Variants in NTRK3 observed in about 807,000 individuals in gnomAD.
NTRK3 encodes the protein NT-3 growth factor receptor.
Under a neutral mutation model 91.7 loss-of-function variants are expected in NTRK3, and 24 were observed. The ratio of observed to expected loss-of-function variants is 0.26; its 90% confidence interval spans 0.19 to 0.37. The LOEUF is 0.37. Ranked by LOEUF, NTRK3 falls within the 10% of genes least tolerant of loss-of-function variation. The pLI is 1.00. For synonymous variants in NTRK3, 483 were observed against 404.0 expected (o/e 1.20, Z -2.34); for missense variants, 880 against 1,068.9 (o/e 0.82, Z 2.46).
intron 3 of NTRK3, among the ~76,000 whole-genome samples, chr15:88,215,338 A>C (rs2049660344): frequency 6.6e-6 from 1 of 152,216 alleles, no homozygotes; most frequent in South Asian, 2.1e-4. Context: ...CTCCAGGGCA[A>C]ACACGGCCCC....
chr15:87,914,054 G>A (rs1006231528), intron 17 of NTRK3, among the ~76,000 whole-genome samples: 2 of 152,166 alleles, frequency 1.3e-5, no homozygotes, highest in African/African-American at 4.8e-5. Flanking sequence ...GAGAAGCCAG[G>A]AACCCTGTTG....
chr15:88,186,466 C>G (rs1484597259), intron 3 of NTRK3, among the ~76,000 whole-genome samples: 2 of 152,086 alleles, frequency 1.3e-5, no homozygotes, highest in Non-Finnish European at 2.9e-5. Context: ...GAATAATAGT[C>G]CCCACCTCCT....
At chr15:88,064,757 G>C (rs899466251) in intron 13 of NTRK3, among the ~76,000 whole-genome samples, 1 of 152,204 alleles carries the variant, frequency 6.6e-6, no homozygotes, top group African/African-American at 2.4e-5. Flanking sequence ...GGTCTCTGCT[G>C]CTGAGGTCCC....
At chr15:88,110,030 G>T (rs1020460132) in intron 13 of NTRK3, among the ~76,000 whole-genome samples, 1 of 152,102 alleles carries the variant, frequency 6.6e-6, no homozygotes, top group Non-Finnish European at 1.5e-5. Context: ...TCAGCTGAGG[G>T]TGTGGAGGCC....
At chr15:88,005,814 T>A (rs576335443) in intron 14 of NTRK3, among the ~76,000 whole-genome samples, 4 of 152,118 alleles carry the variant, frequency 2.6e-5, no homozygotes, top group Non-Finnish European at 5.9e-5. Context: ...TTCAACAAAG[T>A]TTTTACCCTT....
chr15:88,080,726 C>T (rs1337538796), intron 13 of NTRK3, among the ~76,000 whole-genome samples: 2 of 152,210 alleles, frequency 1.3e-5, no homozygotes, highest in African/African-American at 2.4e-5. Context: ...GGAGCAAAGA[C>T]CCAGAGTCCA....
At position 88,056,661 on chromosome 15, in the gene NTRK3, A is replaced by G. The variant is rs116689133; in HGVS notation, c.1397-23616T>C. ...TGCTCACTCGTTCCCTCCTTCCACAAAGCCTTAGCATGGTTCCGCATGGTC... is the reference window on the plus strand; with the variant it reads ...TGCTCACTCGTTCCCTCCTTCCACAGAGCCTTAGCATGGTTCCGCATGGTC... On this transcript the variant is annotated intron_variant, in intron 13 of 18. Transcript: ENST00000394480. Among the ~76,000 whole-genome samples, 689 of 152,274 alleles carry G rather than the reference A, an allele frequency of 4.5e-3. 3 individuals carry two copies. The highest frequency in any genetic ancestry group is 0.016 in the African/African-American group (671 of 41,546).
intron 3 of NTRK3, among the ~76,000 whole-genome samples, chr15:88,193,582 C>CTGTGGT (rs894849408): frequency 1.3e-5 from 2 of 152,194 alleles, no homozygotes; most frequent in African/African-American, 4.8e-5. Context: ...GGCCAGGAGG[C>CTGTGGT]TGTGGTTCCA....
At chr15:88,059,797 A>T (rs367647205) in intron 13 of NTRK3, among the ~76,000 whole-genome samples, 84 of 152,300 alleles carry the variant, frequency 5.5e-4, no homozygotes, top group African/African-American at 1.8e-3. Flanking sequence ...ATTTGGAGAA[A>T]AGGTCTTTAA....
chr15:88,174,814 A>G (rs1225975833), intron 5 of NTRK3, among the ~76,000 whole-genome samples: 13 of 152,186 alleles, frequency 8.5e-5, no homozygotes, highest in Non-Finnish European at 1.9e-4. Context: ...CCCTGCTCAG[A>G]GCCCTCCAGC....
At chr15:87,940,197 G>A (rs190353681) in intron 15 of NTRK3, among the ~76,000 whole-genome samples, 71 of 152,026 alleles carry the variant, frequency 4.7e-4, no homozygotes, top group Non-Finnish European at 7.5e-4. Flanking sequence ...CCCTTGGGAA[G>A]TGGTTACCCA....
intron 14 of NTRK3, among the ~76,000 whole-genome samples, chr15:87,984,089 GACC>G (rs1219651523): frequency 6.6e-6 from 1 of 152,180 alleles, no homozygotes; most frequent in African/African-American, 2.4e-5. Context: ...GATGAAAAAT[GACC>G]ACATGAACGT....
At chr15:88,113,894 T>G (rs1018386443) in intron 13 of NTRK3, among the ~76,000 whole-genome samples, 5 of 152,194 alleles carry the variant, frequency 3.3e-5, no homozygotes, top group Non-Finnish European at 7.3e-5. Context: ...TCTCAAACTT[T>G]AATGGCAGTA....
At position 88,120,113 on chromosome 15, in the gene NTRK3, G is replaced by A. The variant is rs146751695; in HGVS notation, c.1396+6158C>T. 6.4e-4 allele frequency among the ~76,000 whole-genome samples: 97 copies of A among 152,286 alleles called. 1 individual carries two copies. Among genetic ancestry groups the A allele is most frequent in the Middle Eastern group, 3.4e-3 (1 of 294 alleles). On this transcript the variant is annotated intron_variant, in intron 13 of 18. Transcript: ENST00000394480. ...TCTCAGTCCAATGCCCCAAGGTTAGGAGAGAAGGCAGAAATGACTCCTTCC... is the reference window on the plus strand; with the variant it reads ...TCTCAGTCCAATGCCCCAAGGTTAGAAGAGAAGGCAGAAATGACTCCTTCC...
At chr15:88,192,047 C>T (rs1210065845) in intron 3 of NTRK3, among the ~76,000 whole-genome samples, 1 of 152,238 alleles carries the variant, frequency 6.6e-6, no homozygotes, top group African/African-American at 2.4e-5. Flanking sequence ...TCTGGGGCCA[C>T]CCCTGGGACC....
intron 17 of NTRK3, chr15:87,927,066 C>T (rs968501627): frequency 6.6e-6 from 1 of 152,214 alleles, no homozygotes. Flanking sequence ...AAGAAAGACT[C>T]CTCTTTGATA....
At chr15:88,165,136 C>G (rs77616856) in intron 5 of NTRK3, among the ~76,000 whole-genome samples, 2 of 152,234 alleles carry the variant, frequency 1.3e-5, no homozygotes, top group South Asian at 4.2e-4. Flanking sequence ...GAGAAACAAG[C>G]GGGAACAGAA....
intron 13 of NTRK3, among the ~76,000 whole-genome samples, chr15:88,105,262 G>A (rs772081710): frequency 6.9e-4 from 105 of 152,292 alleles, no homozygotes; most frequent in Middle Eastern, 6.8e-3. Context: ...CTAGGTGCTG[G>A]AGAGTATTGG....
At chr15:87,937,444 T>G (rs2069403671) in intron 15 of NTRK3, among the ~76,000 whole-genome samples, 1 of 152,044 alleles carries the variant, frequency 6.6e-6, no homozygotes, top group African/African-American at 2.4e-5. Context: ...ATAGTAAAAA[T>G]CCGAGATTCT....
Sources: gnomAD v4.1 joint callset for allele counts (sites outside exome capture counted in the v4.1 genomes callset) on GRCh38, gnomAD v4.1.1 for gene constraint, MANE v1.5 for transcripts, NCBI Gene and HGNC (gene_info 2026-07-23, HGNC 2026-07-21) for gene names.